The following CCDC12 variants were observed in gnomAD, a reference collection of about 807,000 sequenced individuals.
CCDC12 encodes the protein coiled-coil domain containing 12, also known as coiled-coil domain-containing protein 12.
A neutral mutation model predicts 25.7 loss-of-function variants in CCDC12; 28 were observed. The ratio of observed to expected loss-of-function variants is 1.09; its 90% CI spans 0.81 to 1.50. The LOEUF is 1.50. CCDC12 is among the 40% of genes most tolerant of loss of function. The pLI is 0.00. For synonymous variants in CCDC12, 75 were observed against 87.7 expected (o/e 0.86, Z 0.81); for missense variants, 198 against 210.0 (o/e 0.94, Z 0.35).
chr3:46,940,904 G>A (rs2107137949), intron 2 of CCDC12, 94 bp downstream of exon 2: 3 of 1,189,426 alleles, frequency 2.5e-6, no homozygotes, highest in South Asian at 1.2e-5. Flanking sequence ...AGGGAACAGG[G>A]CAGACACTGA....
At chr3:46,967,898 A>T (rs1407778587) in intron 1 of CCDC12, among the ~76,000 whole-genome samples, 1 of 152,188 alleles carries the variant, frequency 6.6e-6, no homozygotes, top group Non-Finnish European at 1.5e-5. Context: ...CACCTGGGGA[A>T]CTTTAAGAAT....
chr3:46,966,961 T>A (rs144689893), intron 1 of CCDC12, among the ~76,000 whole-genome samples: 1 of 152,176 alleles, frequency 6.6e-6, no homozygotes, highest in East Asian at 1.9e-4. Context: ...TTCTAACTCC[T>A]GCTAAATACC....
chr3:46,929,134 AC>A (rs1421419764), intron 2 of CCDC12, among the ~76,000 whole-genome samples: 1 of 152,268 alleles, frequency 6.6e-6, no homozygotes, highest in Non-Finnish European at 1.5e-5. Context: ...GGTCCTAAGC[AC>A]TGTAGAGGAA....
chr3:46,950,005 GAC>G (rs2034052182), intron 1 of CCDC12, among the ~76,000 whole-genome samples: 2 of 140,260 alleles, frequency 1.4e-5, no homozygotes, highest in African/African-American at 5.3e-5. Flanking sequence ...CAGCCTGGGT[GAC>G]AGAGTGAGAC....
intron 1 of CCDC12, among the ~76,000 whole-genome samples, chr3:46,961,764 A>G (rs1436307162): frequency 6.6e-6 from 1 of 152,234 alleles, no homozygotes; most frequent in African/African-American, 2.4e-5. Context: ...CACTGCTACT[A>G]CTACTACTAC....
At chr3:46,977,987 C>T (rs2035054267), upstream of CCDC12, among the ~76,000 whole-genome samples, 1 of 152,234 alleles carries the variant, frequency 6.6e-6, no homozygotes, top group African/African-American at 2.4e-5. Flanking sequence ...AGCCACACCC[C>T]CTCTCACTTG....
intron 2 of CCDC12, 161 bp downstream of exon 2, chr3:46,940,837 T>C: frequency 1.5e-6 from 1 of 672,108 alleles, no homozygotes; most frequent in Non-Finnish European, 2.7e-6. Context: ...AAGGGCCTTC[T>C]GAGATGTTGA....
At chr3:46,964,177 T>C (rs4683280) in intron 1 of CCDC12, among the ~76,000 whole-genome samples, 141,814 of 149,816 alleles carry the variant, frequency 0.95, 67,527 homozygotes, top group South Asian at 1. Context: ...CCCCTCCGCC[T>C]GGCAGCCGCC....
intron 2 of CCDC12, among the ~76,000 whole-genome samples, chr3:46,933,874 C>T (rs1269334087): frequency 6.6e-6 from 1 of 151,926 alleles, no homozygotes; most frequent in East Asian, 1.9e-4. Flanking sequence ...TCTGTAGTTT[C>T]TAAGTTTTCT....
intron 1 of CCDC12, among the ~76,000 whole-genome samples, chr3:46,953,428 C>T (rs937555281): frequency 2.0e-5 from 3 of 152,064 alleles, no homozygotes; most frequent in Non-Finnish European, 4.4e-5. Context: ...CGCACTCAAC[C>T]GTGGGTAGTA....
chr3:46,951,794 A>ATATATATAT (rs1206045303), intron 1 of CCDC12, among the ~76,000 whole-genome samples: 2 of 23,590 alleles, frequency 8.5e-5, no homozygotes, highest in Admixed American at 6.8e-4. Context: ...AAAAAAAAAA[A>ATATATATAT]AAAAATATAT....
intron 1 of CCDC12, among the ~76,000 whole-genome samples, chr3:46,952,808 C>A (rs1160955174): frequency 6.6e-6 from 1 of 152,240 alleles, no homozygotes; most frequent in African/African-American, 2.4e-5. Flanking sequence ...AAGGTCAGCA[C>A]TCCTTTCTCC....
At chr3:46,928,323 T>A (rs993244204) in intron 2 of CCDC12, among the ~76,000 whole-genome samples, 1 of 152,202 alleles carries the variant, frequency 6.6e-6, no homozygotes, top group African/African-American at 2.4e-5. Flanking sequence ...GCTGCAATCA[T>A]GGAGATAAGG....
rs1185427658 is a variant in CCDC12 at position 46,933,922 on chromosome 3, G to GA, written c.164+7075dup. ...TCTATAATTTATGTAAATATCAATT[G>GA]AAAATTTTTTTTTTTTTGAGATGGA... On this transcript the variant is annotated intron_variant, in intron 2 of 6. Transcript: ENST00000683445. 5.3e-4 allele frequency among the ~76,000 whole-genome samples: 44 copies of GA among 82,592 alleles called. No individual in the cohort carries two copies. In the South Asian group the frequency reaches 7.0e-3, roughly 13 times the overall value. The allele number at this position is 82,592 out of a possible 152,430, so 54.2% of individuals were successfully genotyped here. A position where few individuals can be genotyped will look rare whatever the true frequency, so the allele number is the denominator to read the frequency against.
chr3:46,981,915 C>G (rs2035375707), intron 1 of CCDC12: 1 of 152,342 alleles, frequency 6.6e-6, no homozygotes, highest in Non-Finnish European at 1.5e-5. Context: ...GAGCCTCCCC[C>G]TCCCGGAGCT....
At chr3:46,964,706 T>C (rs1451790581) in intron 1 of CCDC12, among the ~76,000 whole-genome samples, 1 of 152,086 alleles carries the variant, frequency 6.6e-6, no homozygotes, top group Non-Finnish European at 1.5e-5. Flanking sequence ...GTTAAATGGA[T>C]TAAGGGCGGT....
At chr3:46,940,262 G>A (rs985300898) in intron 2 of CCDC12, among the ~76,000 whole-genome samples, 3 of 152,234 alleles carry the variant, frequency 2.0e-5, no homozygotes, top group African/African-American at 7.2e-5. Context: ...CTGAGGCTCT[G>A]TGGAGGTTGC....
chr3:46,979,906 C>T, upstream of CCDC12: 1 of 433,126 alleles, frequency 2.3e-6, no homozygotes, highest in Non-Finnish European at 4.2e-6. Flanking sequence ...TGCTCTACTA[C>T]GCGCAGGTGA....
intron 2 of CCDC12, among the ~76,000 whole-genome samples, chr3:46,931,493 T>G (rs1172167693): frequency 1.3e-5 from 2 of 152,218 alleles, no homozygotes; most frequent in African/African-American, 4.8e-5. Flanking sequence ...GGGGGTTTCA[T>G]GGCCCCTGGT....
Sources: allele counts gnomAD v4.1 joint callset (sites outside exome capture counted in the v4.1 genomes callset), GRCh38; gene constraint gnomAD v4.1.1; transcripts MANE v1.5; gene names NCBI Gene and HGNC (gene_info 2026-07-23, HGNC 2026-07-21).